The following CDH13 variants were observed in gnomAD, a reference collection of about 807,000 sequenced individuals.
CDH13 encodes cadherin-13.
Under a neutral mutation model 63.8 loss-of-function variants are expected in CDH13, and 24 were observed. The observed-to-expected ratio is 0.38, with a 90% CI of 0.27 to 0.53. CDH13 has a LOEUF of 0.53. Among genes scored for constraint, CDH13 ranks in the 20% least tolerant of loss-of-function variants. CDH13 has a pLI of 0.85. For missense variants in CDH13, 1,049 were observed against 903.1 expected (o/e 1.16, Z -2.07); for synonymous variants, 503 against 355.3 (o/e 1.42, Z -4.67).
At chr16:82,971,554 A>G (rs573309423) in intron 2 of CDH13, among the ~76,000 whole-genome samples, 1 of 152,214 alleles carries the variant, frequency 6.6e-6, no homozygotes, top group Non-Finnish European at 1.5e-5. Flanking sequence ...CTCTGGCTAC[A>G]AACTCTGGAC....
At chr16:82,760,241 G>A (rs564637292) in intron 1 of CDH13, among the ~76,000 whole-genome samples, 1 of 152,180 alleles carries the variant, frequency 6.6e-6, no homozygotes, top group Non-Finnish European at 1.5e-5. Flanking sequence ...TGAGGGGGTA[G>A]AAGGAACATA....
At chr16:83,546,881 T>C (rs899015731) in intron 7 of CDH13, among the ~76,000 whole-genome samples, 2 of 152,212 alleles carry the variant, frequency 1.3e-5, no homozygotes, top group African/African-American at 4.8e-5. Flanking sequence ...TCTCTTTGCA[T>C]CTGGCACACA....
At chr16:82,730,343 T>A (rs1433461876) in intron 1 of CDH13, among the ~76,000 whole-genome samples, 1 of 152,098 alleles carries the variant, frequency 6.6e-6, no homozygotes, top group Non-Finnish European at 1.5e-5. Context: ...TTAGAGACCA[T>A]TGTAGGGTTA....
In CDH13 at chr16:83,483,700, C is replaced by A. The variant is rs534686048; in HGVS notation, c.782-2777C>A. Among the ~76,000 whole-genome samples the A allele has an allele frequency of 9.2e-5, 14 of 152,256 alleles. No homozygotes were observed. The South Asian group carries it at 2.9e-3, about 32-fold the overall frequency. On this transcript the variant is annotated intron_variant, in intron 6 of 13. Coordinates refer to ENST00000567109, the MANE Select transcript of CDH13 (RefSeq NM_001257.5). ...TTAAGGCCTCCTCCTATGTCTTTGG[C>A]CACATGGAGCTCCCTTTAGCATGTC...
intron 1 of CDH13, among the ~76,000 whole-genome samples, chr16:82,769,517 A>G (rs1429006918): frequency 6.6e-6 from 1 of 152,218 alleles, no homozygotes; most frequent in Non-Finnish European, 1.5e-5. Flanking sequence ...TTGAACCTCT[A>G]ATTCTGGAGA....
chr16:83,408,987 G>T (rs779816003), intron 6 of CDH13, among the ~76,000 whole-genome samples: 3 of 152,126 alleles, frequency 2.0e-5, no homozygotes, highest in African/African-American at 2.4e-5. Flanking sequence ...TTTCAGTGAC[G>T]TGGCTGAATC....
intron 10 of CDH13, among the ~76,000 whole-genome samples, chr16:83,693,481 C>T (rs1016464169): frequency 2.0e-5 from 3 of 152,130 alleles, no homozygotes; most frequent in African/African-American, 7.2e-5. Flanking sequence ...TTTTTATTTT[C>T]CACAAGCCAG....
chr16:83,268,157 A>G (rs1285910084), intron 5 of CDH13, among the ~76,000 whole-genome samples: 3 of 152,216 alleles, frequency 2.0e-5, no homozygotes, highest in African/African-American at 7.2e-5. Flanking sequence ...TGATCATAGT[A>G]ATTGACATAA....
intron 1 of CDH13, among the ~76,000 whole-genome samples, chr16:82,783,137 G>A (rs541188777): frequency 1.5e-4 from 23 of 152,204 alleles, no homozygotes; most frequent in African/African-American, 5.3e-4. Context: ...GGCACCGAGG[G>A]ACATTTCCTG....
intron 1 of CDH13, among the ~76,000 whole-genome samples, chr16:82,855,284 A>G (rs1172635308): frequency 1.3e-5 from 2 of 152,202 alleles, no homozygotes; most frequent in African/African-American, 4.8e-5. Context: ...ACAAAGATGG[A>G]GAACACAGCT....
At chr16:82,944,122 T>C (rs565446923) in intron 2 of CDH13, among the ~76,000 whole-genome samples, 1 of 152,198 alleles carries the variant, frequency 6.6e-6, no homozygotes, top group Non-Finnish European at 1.5e-5. Context: ...ATTACTGTCA[T>C]TAGAGATCAG....
chr16:83,222,729 T>C (rs1478737842), intron 5 of CDH13, among the ~76,000 whole-genome samples: 3 of 152,042 alleles, frequency 2.0e-5, no homozygotes, highest in Non-Finnish European at 4.4e-5. Flanking sequence ...CACCTCCAAC[T>C]AGTTTACAAA....
At chr16:83,414,618 T>C (rs2092173739) in intron 6 of CDH13, among the ~76,000 whole-genome samples, 1 of 152,146 alleles carries the variant, frequency 6.6e-6, no homozygotes, top group African/African-American at 2.4e-5. Flanking sequence ...CAGTCTTTGG[T>C]TTGGGTTATA....
chr16:82,801,487 A>G (rs1329796090), intron 1 of CDH13, among the ~76,000 whole-genome samples: 1 of 152,192 alleles, frequency 6.6e-6, no homozygotes, highest in Admixed American at 6.5e-5. Flanking sequence ...CACACTTTCC[A>G]TCAATCCAGA....
At chr16:83,377,928 A>G (rs2091487251) in intron 6 of CDH13, among the ~76,000 whole-genome samples, 1 of 152,206 alleles carries the variant, frequency 6.6e-6, no homozygotes, top group Admixed American at 6.5e-5. Context: ...ACCCCTCTGG[A>G]AAGAAGCAGA....
intron 9 of CDH13, 104 bp from the exon 10 acceptor site, chr16:83,678,104 C>T (rs955198120): frequency 1.7e-6 from 2 of 1,199,206 alleles, no homozygotes; most frequent in African/African-American, 1.5e-5. Flanking sequence ...CAGCTCCATC[C>T]CTGAAGGCCC....
At chr16:83,350,741 G>T (rs1394975626) in intron 6 of CDH13, among the ~76,000 whole-genome samples, 2 of 152,204 alleles carry the variant, frequency 1.3e-5, no homozygotes. Context: ...CAACATAGTT[G>T]TATGGGAGGC....
chr16:83,081,017 G>A lies in CDH13; in HGVS notation c.367-44368G>A, dbSNP rs189977902. ...CTGCCTCAGCCTCCCGAGTAACTGG[G>A]ACTACAGGCATGCGCCACCAGGCCC... On this transcript the variant is annotated intron_variant, in intron 3 of 13. Transcript: ENST00000567109. 2.8e-4 allele frequency among the ~76,000 whole-genome samples: 42 copies of A among 151,526 alleles called. No homozygotes were observed. In the East Asian group the frequency reaches 7.8e-3, roughly 28 times the overall value.
chr16:82,659,372 G>A (rs955733086), intron 1 of CDH13, among the ~76,000 whole-genome samples: 1 of 152,218 alleles, frequency 6.6e-6, no homozygotes, highest in African/African-American at 2.4e-5. Context: ...GCCATTGAGA[G>A]GGGAATAGCA....
Sources: gnomAD v4.1 joint callset for allele counts (sites outside exome capture counted in the v4.1 genomes callset) on GRCh38, gnomAD v4.1.1 for gene constraint, MANE v1.5 for transcripts, NCBI Gene and HGNC (gene_info 2026-07-23, HGNC 2026-07-21) for gene names.